The following NOL4L variants were observed in gnomAD, a reference collection of about 807,000 sequenced individuals.
The protein encoded by NOL4L is nucleolar protein 4-like.
In NOL4L, 7 loss-of-function variants were observed where a neutral mutation model predicts 64.5. The ratio of observed to expected loss-of-function variants is 0.11; its 90% confidence interval spans 0.06 to 0.20. NOL4L has a LOEUF of 0.20. NOL4L is among the 10% of genes least tolerant of loss of function. NOL4L has a pLI of 1.00. For synonymous variants in NOL4L, 413 were observed against 401.0 expected, an observed-to-expected ratio of 1.03 and a Z score of -0.36; for missense variants, 680 against 967.1, an observed-to-expected ratio of 0.70 and a Z score of 3.94.
intron 5 of NOL4L, among the ~76,000 whole-genome samples, chr20:32,462,915 A>C (rs1362907399): frequency 6.6e-6 from 1 of 150,380 alleles, no homozygotes; most frequent in Non-Finnish European, 1.5e-5. Flanking sequence ...AAAAAAAAAA[A>C]AAAAAAAACT....
chr20:32,476,323 G>A (rs910808472), intron 4 of NOL4L, among the ~76,000 whole-genome samples: 2 of 152,188 alleles, frequency 1.3e-5, no homozygotes, highest in Admixed American at 6.5e-5. Context: ...AGGGGAGGGG[G>A]AAGAGAGGCT....
intron 1 of NOL4L, 26 bp from the exon 2 acceptor site, chr20:32,527,939 TAGTGTC>T (rs749801000): frequency 6.5e-7 from 1 of 1,545,672 alleles, no homozygotes; most frequent in South Asian, 1.2e-5. Flanking sequence ...CAAGCTGTGT[TAGTGTC>T]AGGAATGATG....
intron 1 of NOL4L, among the ~76,000 whole-genome samples, chr20:32,559,883 C>T (rs1294733518): frequency 6.6e-6 from 1 of 152,228 alleles, no homozygotes; most frequent in Non-Finnish European, 1.5e-5. Context: ...CCAGGCCCTG[C>T]CGCCCACGCG....
chr20:32,492,505 T>A (rs1600749261), intron 4 of NOL4L, among the ~76,000 whole-genome samples: 1 of 152,200 alleles, frequency 6.6e-6, no homozygotes, highest in African/African-American at 2.4e-5. Context: ...GGAGGTGGGG[T>A]CAGTTTGTGA....
At chr20:32,552,559 C>T (rs142542151) in intron 1 of NOL4L, among the ~76,000 whole-genome samples, 3,737 of 151,862 alleles carry the variant, frequency 0.025, 56 homozygotes, top group Non-Finnish European at 0.034. Context: ...TGGTGGTGGA[C>T]GCCTGTAATC....
At chr20:32,524,090 C>T (rs1164939678) in intron 2 of NOL4L, among the ~76,000 whole-genome samples, 1 of 152,146 alleles carries the variant, frequency 6.6e-6, no homozygotes, top group African/African-American at 2.4e-5. Flanking sequence ...CCTACCAGCA[C>T]CCTGGGAGGG....
At chr20:32,513,281 C>G (rs2017491107) in intron 3 of NOL4L, among the ~76,000 whole-genome samples, 1 of 152,198 alleles carries the variant, frequency 6.6e-6, no homozygotes, top group Admixed American at 6.5e-5. Flanking sequence ...ATACCTGCCC[C>G]TCAAGAGCCA....
At chr20:32,503,453 G>C (rs1243064059) in intron 4 of NOL4L, among the ~76,000 whole-genome samples, 1 of 152,202 alleles carries the variant, frequency 6.6e-6, no homozygotes, top group Non-Finnish European at 1.5e-5. Context: ...GGAACTGAGA[G>C]GGAAGTGGTG....
chr20:32,523,090 G>T (rs2018002555), intron 2 of NOL4L, among the ~76,000 whole-genome samples: 1 of 152,212 alleles, frequency 6.6e-6, no homozygotes, highest in Non-Finnish European at 1.5e-5. Context: ...GGGGTAGAGT[G>T]GTGGCCACAT....
chr20:32,483,345 C>A (rs2015868454), intron 4 of NOL4L: 1 of 983,594 alleles, frequency 1.0e-6, no homozygotes, highest in Non-Finnish European at 1.2e-6. Context: ...CGCCGGGATC[C>A]GGGCCGGACT....
chr20:32,524,586 C>T (rs111968206), intron 2 of NOL4L, among the ~76,000 whole-genome samples: 2,078 of 152,274 alleles, frequency 0.014, 19 homozygotes, highest in Non-Finnish European at 0.019. Context: ...GTCAGGCAGT[C>T]TGAGGATTCA....
At position 32,583,461 on chromosome 20, in the gene NOL4L, G is replaced by A. The variant is rs1448470134; in HGVS notation, c.321+1109C>T. Among the ~76,000 whole-genome samples the A allele has an allele frequency of 4.0e-5, 6 of 148,346 alleles. 1 individual carries two copies. The South Asian group carries it at 8.5e-4, about 21-fold the overall frequency. ...GGCCGGGGGAGGAGCGCGGAGGGGG[G>A]AGCGGGGGAGCGGGGGAGGGAGGGA... On this transcript the variant is annotated intron_variant, in intron 1 of 10. Transcript: ENST00000621426.
chr20:32,493,570 T>G (rs1251512551), intron 4 of NOL4L, among the ~76,000 whole-genome samples: 1 of 152,150 alleles, frequency 6.6e-6, no homozygotes, highest in East Asian at 1.9e-4. Flanking sequence ...AGGGACTTGT[T>G]TTTGAAGGTT....
At chr20:32,583,573 C>A (rs1473780022) in intron 1 of NOL4L, among the ~76,000 whole-genome samples, 1 of 147,394 alleles carries the variant, frequency 6.8e-6, no homozygotes, top group Non-Finnish European at 1.5e-5. Context: ...CCGACCGGGC[C>A]GGGGGCGGAA....
At chr20:32,487,510 G>GGCACT (rs1291316923) in intron 4 of NOL4L, among the ~76,000 whole-genome samples, 3 of 152,090 alleles carry the variant, frequency 2.0e-5, no homozygotes, top group South Asian at 2.1e-4. Flanking sequence ...AAGACCTGGG[G>GGCACT]GCACTGTCTT....
rs984835258 is a variant in NOL4L, at chr20:32,568,514, C to T, written c.321+16056G>A. Among the ~76,000 whole-genome samples the T allele has an allele frequency of 6.6e-5, 10 of 152,248 alleles. No individual in the cohort carries two copies. The East Asian group carries it at 1.9e-3, about 30-fold the overall frequency. ...TCTGCTCTGCACACACTGGACCAGACTCACTCCCTAAACACCTCCCTCCCC... is the reference window on the plus strand; with the variant it reads ...TCTGCTCTGCACACACTGGACCAGATTCACTCCCTAAACACCTCCCTCCCC... On this transcript the variant is annotated intron_variant, in intron 1 of 10. Coordinates refer to ENST00000621426, the MANE Select transcript of NOL4L (RefSeq NM_001256798.2).
chr20:32,546,203 C>A (rs1386519407), intron 1 of NOL4L, among the ~76,000 whole-genome samples: 1 of 152,166 alleles, frequency 6.6e-6, no homozygotes, highest in African/African-American at 2.4e-5. Flanking sequence ...GCCTTGGCCT[C>A]CCAAAGTGCT....
intron 4 of NOL4L, among the ~76,000 whole-genome samples, chr20:32,479,095 G>A (rs537748393): frequency 7.9e-5 from 12 of 152,220 alleles, no homozygotes; most frequent in Admixed American, 2.6e-4. Context: ...CCCCCTAGCC[G>A]CAGATGGGCA....
rs1346718517 is a variant in NOL4L, at chr20:32,584,974, G to T, written c.-84C>A. The T allele has an allele frequency of 1.3e-6, 1 of 772,368 alleles. No individual in the cohort carries two copies. Among genetic ancestry groups the T allele is most frequent in the Non-Finnish European group, 1.6e-6 (1 of 634,384 alleles). 47.8% of individuals were successfully genotyped at this position (772,368 alleles called of 1,614,324 possible). On this transcript the variant is annotated 5_prime_UTR_variant, in exon 1 of 11. Coordinates refer to ENST00000621426, the MANE Select transcript of NOL4L (RefSeq NM_001256798.2). Reference sequence around the variant, plus strand: ...GGACTGGGCTGGGCTGGGCTGGACCGGGCCGGGACGCGCCGCGGCCGCGTC... The same window carrying T: ...GGACTGGGCTGGGCTGGGCTGGACCTGGCCGGGACGCGCCGCGGCCGCGTC...
Sources: gnomAD v4.1 joint callset for allele counts (sites outside exome capture counted in the v4.1 genomes callset) on GRCh38, gnomAD v4.1.1 for gene constraint, MANE v1.5 for transcripts, NCBI Gene and HGNC (gene_info 2026-07-23, HGNC 2026-07-21) for gene names.